Variants in EYS observed in about 807,000 individuals in gnomAD.
EYS encodes the protein protein eyes shut homolog.
In EYS, 250 loss-of-function variants were observed where a neutral mutation model predicts 282.1. That is an observed-to-expected ratio of 0.89 (90% CI 0.80 to 0.98). The LOEUF is 0.98. Ranked by LOEUF, EYS falls within the 50% of genes least tolerant of loss-of-function variation. The pLI is 0.00. For missense variants in EYS, 4,016 were observed against 3,709.0 expected (o/e 1.08, Z -2.15); for synonymous variants, 1,355 against 1,282.9 (o/e 1.06, Z -1.20).
At chr6:64,360,466 C>A (rs1314364604) in intron 29 of EYS, among the ~76,000 whole-genome samples, 1 of 151,674 alleles carries the variant, frequency 6.6e-6, no homozygotes, top group Non-Finnish European at 1.5e-5. Context: ...ACCTCTTGGG[C>A]TAGACCTTCT....
At chr6:65,077,920 C>T (rs1774104171) in intron 12 of EYS, among the ~76,000 whole-genome samples, 2 of 152,044 alleles carry the variant, frequency 1.3e-5, no homozygotes, top group Admixed American at 6.6e-5. Flanking sequence ...TCCTCAGATG[C>T]TTTCAGTTGT....
intron 2 of EYS, among the ~76,000 whole-genome samples, chr6:65,631,661 C>T (rs757957307): frequency 1.3e-5 from 2 of 152,086 alleles, no homozygotes; most frequent in Non-Finnish European, 2.9e-5. Flanking sequence ...CTTTCATGTT[C>T]ATAATCTGCA....
intron 36 of EYS, among the ~76,000 whole-genome samples, chr6:63,828,435 G>A (rs1771533292): frequency 6.6e-6 from 1 of 152,132 alleles, no homozygotes; most frequent in South Asian, 2.1e-4. Context: ...ACACCTTTAA[G>A]CACATAAACT....
chr6:64,453,502 A>G (rs576054294), intron 26 of EYS, among the ~76,000 whole-genome samples: 73 of 152,344 alleles, frequency 4.8e-4, no homozygotes, highest in African/African-American at 1.7e-3. Context: ...CCATCCCATT[A>G]CTGGGTATCT....
Position 65,344,035 on chromosome 6 carries a change from T to C in EYS, c.1599+3A>G. ...GAAAAGCAACTACATAAAATTACCT[T>C]ACCTCTTTTGTGCCTTCATGTGGGA... On this transcript the variant is annotated splice_donor_region_variant and intron_variant, in intron 10 of 42. Coordinates refer to ENST00000503581, the MANE Select transcript of EYS (RefSeq NM_001142800.2). The C allele has an allele frequency of 6.2e-7, 1 of 1,609,232 alleles. No homozygotes were observed. Among genetic ancestry groups the C allele is most frequent in the Non-Finnish European group, 8.5e-7 (1 of 1,176,892 alleles).
At chr6:64,929,082 G>C (rs1193336728) in intron 15 of EYS, among the ~76,000 whole-genome samples, 2 of 152,036 alleles carry the variant, frequency 1.3e-5, no homozygotes, top group African/African-American at 4.8e-5. Context: ...TGAAAATAGA[G>C]TATTTACAGT....
intron 41 of EYS, among the ~76,000 whole-genome samples, chr6:63,755,263 C>A (rs1419194546): frequency 6.6e-6 from 1 of 151,730 alleles, no homozygotes; most frequent in African/African-American, 2.4e-5. Flanking sequence ...GAAGTCTTTG[C>A]CCATGCCTAT....
chr6:63,793,861 C>T (rs931895459), intron 37 of EYS, among the ~76,000 whole-genome samples: 6 of 152,062 alleles, frequency 3.9e-5, no homozygotes, highest in Non-Finnish European at 8.8e-5. Flanking sequence ...CATTTGAGGC[C>T]GCTTAGAGCC....
intron 2 of EYS, among the ~76,000 whole-genome samples, chr6:65,541,775 T>C (rs1768177245): frequency 6.6e-6 from 1 of 152,102 alleles, no homozygotes; most frequent in South Asian, 2.1e-4. Context: ...CTGCTTTAAA[T>C]AGATATATAA....
chr6:65,692,697 A>G (rs1769287002), intron 1 of EYS, among the ~76,000 whole-genome samples: 1 of 150,070 alleles, frequency 6.7e-6, no homozygotes, highest in South Asian at 2.1e-4. Flanking sequence ...TTCTAACACG[A>G]CATGTAGTAT....
chr6:64,827,658 AT>A (rs1197941649), intron 19 of EYS, among the ~76,000 whole-genome samples: 3 of 151,894 alleles, frequency 2.0e-5, no homozygotes, highest in African/African-American at 7.2e-5. Context: ...TCAAATTCAT[AT>A]TTCTAACCAT....
Position 64,593,228 on chromosome 6 carries a change from T to C in EYS, c.3766A>G (p.Ile1256Val), listed in dbSNP as rs767462419. The C allele has an allele frequency of 1.9e-6, 3 of 1,550,742 alleles. No homozygotes were observed. Among genetic ancestry groups the C allele is most frequent in the South Asian group, 2.4e-5 (2 of 83,978 alleles). ...GGAATTGTATATGTCTGTGTGGAAA[T>C]GGGATCTGTTCTTTGAAAGATGGGA... ...LTPIFQRTDPISTQTYTIPPS... is the reference protein window; with the variant it reads ...LTPIFQRTDPVSTQTYTIPPS... The change falls in exon 25 of 43, where the codon ATT becomes GTT. Residue 1256 changes from isoleucine to valine, a missense_variant. Ile to Val is a conservative substitution (Grantham distance 29). Coordinates refer to ENST00000503581, the MANE Select transcript of EYS (RefSeq NM_001142800.2).
At chr6:65,176,207 A>C (rs527911103) in intron 12 of EYS, among the ~76,000 whole-genome samples, 1 of 151,606 alleles carries the variant, frequency 6.6e-6, no homozygotes, top group South Asian at 2.1e-4. Flanking sequence ...TACATAACTA[A>C]AACTTTTTAT....
chr6:65,134,544 G>T (rs552171244), intron 12 of EYS, among the ~76,000 whole-genome samples: 88 of 152,098 alleles, frequency 5.8e-4, no homozygotes, highest in African/African-American at 2.1e-3. Context: ...GAAGCCAAAT[G>T]ATGAGAACTC....
intron 33 of EYS, among the ~76,000 whole-genome samples, chr6:64,029,542 A>C (rs932519702): frequency 7.9e-5 from 12 of 152,138 alleles, no homozygotes; most frequent in African/African-American, 2.2e-4. Context: ...CTCAACCCTG[A>C]CACTTTTCTC....
At chr6:64,324,103 C>A (rs184578254) in intron 29 of EYS, among the ~76,000 whole-genome samples, 1 of 152,050 alleles carries the variant, frequency 6.6e-6, no homozygotes, top group Non-Finnish European at 1.5e-5. Context: ...TTGTTCAGAG[C>A]CTTTGGGACT....
chr6:63,856,883 A>G (rs933259970), intron 36 of EYS, among the ~76,000 whole-genome samples: 2 of 152,152 alleles, frequency 1.3e-5, no homozygotes, highest in African/African-American at 4.8e-5. Context: ...TTTGTTTGAG[A>G]AGGAGTCTAA....
At chr6:64,040,049 A>G (rs984180723) in intron 33 of EYS, among the ~76,000 whole-genome samples, 2 of 152,230 alleles carry the variant, frequency 1.3e-5, no homozygotes, top group Non-Finnish European at 2.9e-5. Flanking sequence ...TAGAGCTTGC[A>G]AAGTTAATTT....
chr6:65,706,405 A>G lies in EYS; in HGVS notation c.-448+730T>C, dbSNP rs543774681. 4.5e-4 allele frequency among the ~76,000 whole-genome samples: 68 copies of G among 152,228 alleles called. 1 individual carries two copies. Among genetic ancestry groups the G allele is most frequent in the Non-Finnish European group, 7.6e-4 (52 of 67,978 alleles). ...CATTAAAGTCATAAGAATTAAACAG[A>G]ACTAATAAATCTTATTGAACCATAA... On this transcript the variant is annotated intron_variant, in intron 1 of 42. Coordinates refer to ENST00000503581, the MANE Select transcript of EYS (RefSeq NM_001142800.2).
Sources: gnomAD v4.1 joint callset for allele counts (sites outside exome capture counted in the v4.1 genomes callset) on GRCh38, gnomAD v4.1.1 for gene constraint, MANE v1.5 for transcripts, NCBI Gene and HGNC (gene_info 2026-07-23, HGNC 2026-07-21) for gene names.